Variants in SAE1 observed in about 807,000 individuals in gnomAD.
SAE1 encodes the protein SUMO-activating enzyme subunit 1.
In SAE1, 11 loss-of-function variants were observed where a neutral mutation model predicts 40.6. The observed-to-expected ratio is 0.27, with a 90% CI of 0.17 to 0.45. The LOEUF is 0.45. Among genes scored for constraint, SAE1 ranks in the 20% least tolerant of loss-of-function variants. The pLI is 1.00. For synonymous variants in SAE1, 155 were observed against 154.3 expected (o/e 1.00, Z -0.03); for missense variants, 373 against 427.3 (o/e 0.87, Z 1.12).
intron 6 of SAE1, among the ~76,000 whole-genome samples, chr19:47,179,538 A>G (rs932950708): frequency 5.3e-5 from 8 of 151,680 alleles, no homozygotes; most frequent in African/African-American, 1.9e-4. Flanking sequence ...TAAATATTGA[A>G]CTCTGCTTAG....
chr19:47,191,940 G>C (rs1328654713), intron 6 of SAE1, among the ~76,000 whole-genome samples: 1 of 151,746 alleles, frequency 6.6e-6, no homozygotes, highest in African/African-American at 2.4e-5. Context: ...TGTAGTCCCA[G>C]CTACTCGGGA....
At position 47,134,350 on chromosome 19, in the gene SAE1, G is replaced by T. The variant is rs149611721; in HGVS notation, c.98+3322G>T. 3.2e-4 allele frequency among the ~76,000 whole-genome samples: 48 copies of T among 151,864 alleles called. No homozygotes were observed. The East Asian group carries it at 8.1e-3, about 26-fold the overall frequency. On this transcript the variant is annotated intron_variant, in intron 1 of 8. Coordinates refer to ENST00000270225, the MANE Select transcript of SAE1 (RefSeq NM_005500.3). ...TTCAGAAGGTTTTAGAGGGTGCAGTGGTGGGATGGGAATTACCTCAGGCTC... is the reference window on the plus strand; with the variant it reads ...TTCAGAAGGTTTTAGAGGGTGCAGTTGTGGGATGGGAATTACCTCAGGCTC...
chr19:47,152,717 C>A (rs1482190831), intron 3 of SAE1, among the ~76,000 whole-genome samples, 181 bp from the exon 4 acceptor site: 1 of 152,188 alleles, frequency 6.6e-6, no homozygotes, highest in Non-Finnish European at 1.5e-5. Context: ...ATTTTCTACA[C>A]ATTGAAACCT....
chr19:47,173,445 T>C (rs2058447843), intron 6 of SAE1, among the ~76,000 whole-genome samples: 1 of 152,166 alleles, frequency 6.6e-6, no homozygotes, highest in African/African-American at 2.4e-5. Context: ...TTCACTTTGC[T>C]CCTAGATATC....
At chr19:47,195,733 CTTCTT>C (rs2058609803) in intron 6 of SAE1, among the ~76,000 whole-genome samples, 1 of 118,936 alleles carries the variant, frequency 8.4e-6, no homozygotes, top group Admixed American at 9.6e-5. Flanking sequence ...TCCTTTTTTT[CTTCTT>C]TTTTTTTTTT....
chr19:47,179,199 A>AG (rs2058489649), intron 6 of SAE1, among the ~76,000 whole-genome samples: 1 of 151,044 alleles, frequency 6.6e-6, no homozygotes. Context: ...CTCCAAAAAA[A>AG]AAAAAAAAAG....
chr19:47,171,978 G>A (rs1422434999), intron 6 of SAE1, among the ~76,000 whole-genome samples: 2 of 152,102 alleles, frequency 1.3e-5, no homozygotes, highest in Non-Finnish European at 2.9e-5. Flanking sequence ...GGAGTGCAGT[G>A]GTGCAATCTT....
intron 6 of SAE1, among the ~76,000 whole-genome samples, chr19:47,172,698 T>C (rs2058441696): frequency 1.4e-5 from 2 of 145,930 alleles, no homozygotes. Flanking sequence ...GAACTCCATC[T>C]CCAAAAAAAA....
At position 47,143,497 on chromosome 19, in the gene SAE1, G is replaced by A; in HGVS notation, c.102G>A (p.Leu34=). The A allele has an allele frequency of 6.2e-7, 1 of 1,612,970 alleles. No individual in the cohort carries two copies. Among genetic ancestry groups the A allele is most frequent in the Non-Finnish European group, 8.5e-7 (1 of 1,179,008 alleles). ...RLWGLEAQKR[L]RASRVLLVGL... ...GTTAACAATGTTTGTCTTACAGGCT[G>A]CGGGCCTCTCGGGTGCTTCTTGTCG... The change falls in exon 2 of 9, where the codon CTG becomes CTA. Residue 34 remains leucine, a synonymous_variant. Transcript: ENST00000270225.
At chr19:47,180,224 T>C (rs1472505547) in intron 6 of SAE1, 2 of 456,172 alleles carry the variant, frequency 4.4e-6, no homozygotes, top group Non-Finnish European at 4.4e-6. Context: ...GCCAAGATGT[T>C]AATACCTTTC....
At chr19:47,191,926 C>T (rs1458096140) in intron 6 of SAE1, among the ~76,000 whole-genome samples, 3 of 151,654 alleles carry the variant, frequency 2.0e-5, no homozygotes, top group South Asian at 2.1e-4. Context: ...TGGTGATGGC[C>T]GCCTGTAGTC....
At chr19:47,155,772 G>T in intron 5 of SAE1, among the ~76,000 whole-genome samples, 1 of 120,654 alleles carries the variant, frequency 8.3e-6, no homozygotes. Flanking sequence ...TTTTTGAGAT[G>T]GAGTCTTGCT....
intron 5 of SAE1, among the ~76,000 whole-genome samples, chr19:47,164,640 T>A (rs902451582): frequency 6.0e-5 from 3 of 50,394 alleles, no homozygotes; most frequent in African/African-American, 8.7e-5. Context: ...AGAATTCACC[T>A]TTTTTTTTTT....
chr19:47,191,498 C>T (rs1324843510), intron 6 of SAE1, among the ~76,000 whole-genome samples: 1 of 152,180 alleles, frequency 6.6e-6, no homozygotes, highest in Non-Finnish European at 1.5e-5. Context: ...ACTGCCTGAG[C>T]AGATGGAGGC....
At chr19:47,194,319 T>C (rs141789275) in intron 6 of SAE1, among the ~76,000 whole-genome samples, 1 of 152,310 alleles carries the variant, frequency 6.6e-6, no homozygotes, top group East Asian at 1.9e-4. Context: ...ACTCTGATGC[T>C]TCAGTCTGGG....
chr19:47,183,411 G>A (rs545624071), intron 6 of SAE1, among the ~76,000 whole-genome samples: 1 of 152,252 alleles, frequency 6.6e-6, no homozygotes, highest in South Asian at 2.1e-4. Context: ...AGGGCCTTGT[G>A]TTTAAGCATC....
chr19:47,141,744 G>C (rs1487107177), intron 1 of SAE1, among the ~76,000 whole-genome samples: 1 of 152,094 alleles, frequency 6.6e-6, no homozygotes, highest in Non-Finnish European at 1.5e-5. Context: ...TAAATTAATA[G>C]CAAACTCTTA....
At chr19:47,187,950 G>A (rs1183764012) in intron 6 of SAE1, among the ~76,000 whole-genome samples, 1 of 152,148 alleles carries the variant, frequency 6.6e-6, no homozygotes, top group African/African-American at 2.4e-5. Context: ...TGTGCCAGGT[G>A]TTCAGTATAG....
intron 4 of SAE1, among the ~76,000 whole-genome samples, chr19:47,154,116 G>A (rs1182489925): frequency 6.6e-6 from 1 of 151,640 alleles, no homozygotes; most frequent in African/African-American, 2.4e-5. Flanking sequence ...TTGAGACGGA[G>A]TTTTGCTTTT....
Sources: allele counts gnomAD v4.1 joint callset (sites outside exome capture counted in the v4.1 genomes callset), GRCh38; gene constraint gnomAD v4.1.1; transcripts MANE v1.5; gene names NCBI Gene and HGNC (gene_info 2026-07-23, HGNC 2026-07-21).